The following CNGA1 variants were observed in gnomAD, a reference collection of about 807,000 sequenced individuals.
The protein encoded by CNGA1 is cyclic nucleotide gated channel subunit alpha 1, also known as cyclic nucleotide-gated channel alpha-1.
A neutral mutation model predicts 69.7 loss-of-function variants in CNGA1; 53 were observed. The observed-to-expected ratio is 0.76, with a 90% CI of 0.61 to 0.96. The LOEUF (loss-of-function observed/expected upper bound fraction) is 0.96, where lower values mean the gene tolerates loss of function less well. CNGA1 is among the 40% of genes least tolerant of loss of function. The pLI, the probability that CNGA1 is intolerant of heterozygous loss-of-function variation, is 0.00. For synonymous variants in CNGA1, 249 were observed against 283.5 expected, an observed-to-expected ratio of 0.88 and a Z score of 1.22; for missense variants, 739 against 811.2, an observed-to-expected ratio of 0.91 and a Z score of 1.08.
At chr4:47,954,926 T>C (rs1739971293) in intron 3 of CNGA1, among the ~76,000 whole-genome samples, 1 of 152,206 alleles carries the variant, frequency 6.6e-6, no homozygotes, top group African/African-American at 2.4e-5. Flanking sequence ...TTAGGCTATA[T>C]TCAAACAGGG....
intron 6 of CNGA1, among the ~76,000 whole-genome samples, chr4:47,944,461 C>T (rs1375832363): frequency 2.0e-5 from 3 of 152,162 alleles, no homozygotes; most frequent in Non-Finnish European, 4.4e-5. Flanking sequence ...AGCATGGATC[C>T]TGAAGGATGA....
At chr4:47,973,954 T>C (rs1038647137) in intron 3 of CNGA1, among the ~76,000 whole-genome samples, 2 of 151,902 alleles carry the variant, frequency 1.3e-5, no homozygotes, top group Admixed American at 1.3e-4. Flanking sequence ...GCACTTTGGG[T>C]GGTTGAGGCG....
At chr4:48,000,613 C>T (rs1362759413) in intron 2 of CNGA1, among the ~76,000 whole-genome samples, 2 of 152,008 alleles carry the variant, frequency 1.3e-5, no homozygotes, top group African/African-American at 4.8e-5. Context: ...GGTGATCTGC[C>T]CACCTCAGCC....
At chr4:47,961,923 C>T (rs1376239962) in intron 3 of CNGA1, among the ~76,000 whole-genome samples, 5 of 152,060 alleles carry the variant, frequency 3.3e-5, no homozygotes, top group African/African-American at 1.2e-4. Flanking sequence ...CCTTCAATTT[C>T]AATTGTGAAT....
In CNGA1 at chr4:47,959,823, C is replaced by T. The variant is rs1201185261; in HGVS notation, c.-14-7120G>A. Among the ~76,000 whole-genome samples the T allele has an allele frequency of 2.0e-5, 3 of 152,150 alleles. 1 individual carries two copies. The highest frequency in any genetic ancestry group is 4.4e-5 in the Non-Finnish European group (3 of 68,026). ...GTTTCACCATGTTGGCCAGGTTGCT[C>T]TCAAACTCCTGACCTCAAGCGACCT... On this transcript the variant is annotated intron_variant, in intron 3 of 10. Transcript: ENST00000514170.
intron 2 of CNGA1, among the ~76,000 whole-genome samples, chr4:47,982,639 G>C (rs1437557309): frequency 2.0e-5 from 3 of 151,750 alleles, no homozygotes; most frequent in Admixed American, 6.6e-5. Context: ...AAATTATTCT[G>C]ATTTTATGTA....
intron 10 of CNGA1, among the ~76,000 whole-genome samples, chr4:47,938,999 GA>G (rs1303099119): frequency 4.8e-5 from 7 of 147,266 alleles, no homozygotes; most frequent in Non-Finnish European, 7.5e-5. Context: ...GAAAGAGAAA[GA>G]AAGAAAGAAA....
At chr4:47,947,924 G>A (rs958231979) in intron 6 of CNGA1, among the ~76,000 whole-genome samples, 1 of 152,170 alleles carries the variant, frequency 6.6e-6, no homozygotes, top group African/African-American at 2.4e-5. Context: ...CTGTTACAGA[G>A]ACCAATGCTA....
intron 2 of CNGA1, among the ~76,000 whole-genome samples, chr4:48,008,704 C>T (rs1028867541): frequency 2.0e-5 from 3 of 152,138 alleles, no homozygotes; most frequent in African/African-American, 7.2e-5. Flanking sequence ...CTCACCTTTG[C>T]AAAATTCTGA....
At chr4:47,962,982 G>C (rs1233739107) in intron 3 of CNGA1, among the ~76,000 whole-genome samples, 3 of 151,262 alleles carry the variant, frequency 2.0e-5, no homozygotes, top group South Asian at 2.1e-4. Flanking sequence ...TTTTGACACA[G>C]GGTCTTACCC....
intron 6 of CNGA1, among the ~76,000 whole-genome samples, chr4:47,947,091 G>C (rs565090218): frequency 7.2e-5 from 11 of 152,208 alleles, no homozygotes; most frequent in African/African-American, 2.4e-4. Flanking sequence ...CCGGCCTTCA[G>C]TACCCTTCTT....
chr4:47,949,172 G>C (rs1451412577), intron 6 of CNGA1, among the ~76,000 whole-genome samples: 1 of 152,164 alleles, frequency 6.6e-6, no homozygotes, highest in Non-Finnish European at 1.5e-5. Flanking sequence ...AAGAGTGTTG[G>C]TTGCTGTCAG....
intron 2 of CNGA1, among the ~76,000 whole-genome samples, chr4:47,989,267 T>A (rs990020145): frequency 6.6e-6 from 1 of 152,216 alleles, no homozygotes; most frequent in Non-Finnish European, 1.5e-5. Context: ...TGGTTATAAT[T>A]TAACTTCTCA....
intron 3 of CNGA1, among the ~76,000 whole-genome samples, chr4:47,960,017 C>T (rs896117972): frequency 6.6e-6 from 1 of 152,116 alleles, no homozygotes; most frequent in African/African-American, 2.4e-5. Context: ...ATTCACAGTA[C>T]ATTTATCTGA....
chr4:47,981,147 A>G (rs993834235), intron 3 of CNGA1, among the ~76,000 whole-genome samples: 15 of 152,226 alleles, frequency 9.9e-5, no homozygotes, highest in Admixed American at 9.2e-4. Flanking sequence ...TAAAACTAAA[A>G]TTTGTGAAAA....
intron 3 of CNGA1, among the ~76,000 whole-genome samples, chr4:47,954,798 C>G (rs1300634178): frequency 6.6e-6 from 1 of 152,166 alleles, no homozygotes; most frequent in Non-Finnish European, 1.5e-5. Context: ...CCTTACGAGC[C>G]TTTTTGAAGG....
intron 2 of CNGA1, among the ~76,000 whole-genome samples, chr4:48,001,194 G>A (rs970679148): frequency 2.0e-5 from 3 of 152,174 alleles, no homozygotes; most frequent in African/African-American, 7.2e-5. Flanking sequence ...GGCTGGGCAC[G>A]GTGGCTCAGG....
chr4:47,952,989 C>G (rs761630922), intron 3 of CNGA1, among the ~76,000 whole-genome samples: 40 of 152,146 alleles, frequency 2.6e-4, no homozygotes, highest in Non-Finnish European at 4.9e-4. Flanking sequence ...ACCATCAGAT[C>G]TCATGAGACT....
chr4:47,980,556 C>A (rs1205402296), intron 3 of CNGA1, among the ~76,000 whole-genome samples: 1 of 148,578 alleles, frequency 6.7e-6, no homozygotes, highest in East Asian at 2.0e-4. Context: ...CTCACTGCAA[C>A]CTCAACCTCC....
Sources: gnomAD v4.1 joint callset for allele counts (sites outside exome capture counted in the v4.1 genomes callset) on GRCh38, gnomAD v4.1.1 for gene constraint, MANE v1.5 for transcripts, NCBI Gene and HGNC (gene_info 2026-07-23, HGNC 2026-07-21) for gene names.